SPATA7: variants seen among roughly 807,000 people sequenced by gnomAD.
SPATA7 encodes the protein spermatogenesis-associated protein 7.
In SPATA7, 43 loss-of-function variants were observed where a neutral mutation model predicts 51.8. The ratio of observed to expected loss-of-function variants is 0.83; its 90% confidence interval spans 0.65 to 1.07. SPATA7 has a LOEUF of 1.07. Ranked by LOEUF, SPATA7 falls within the 50% of genes least tolerant of loss-of-function variation. The probability of loss-of-function intolerance (pLI) is 0.00; values close to 1 mark genes in which losing one functional copy is unlikely to be tolerated. For synonymous variants in SPATA7, 230 were observed against 252.8 expected (o/e 0.91, Z 0.86); for missense variants, 683 against 701.3 (o/e 0.97, Z 0.30).
chr14:88,386,721 A>G (rs1159546898), intron 1 of SPATA7, among the ~76,000 whole-genome samples: 3 of 152,148 alleles, frequency 2.0e-5, no homozygotes, highest in Non-Finnish European at 4.4e-5. Context: ...GGCAATCTTT[A>G]TAGACTCCCC....
Position 88,427,672 on chromosome 14 carries a change from A to G in SPATA7, c.888A>G (p.Thr296=). The change falls in exon 7 of 12, where the codon ACA becomes ACG. Residue 296 remains threonine (T), a synonymous_variant. Transcript: ENST00000393545. The part of the protein sequence containing the change: ...ELGTAETKNM[T]DSEMNIKQAS... The stretch of plus-strand genomic sequence containing the variant: ...GGACAGCTGAGACTAAAAACATGAC[A>G]GATTCAGAAATGAACATAAAGCAGG... 1.2e-6 allele frequency: 2 copies of G among 1,610,262 alleles called. No individual in the cohort carries two copies.
At chr14:88,423,164 C>T (rs1335654792) in intron 5 of SPATA7, among the ~76,000 whole-genome samples, 4 of 152,020 alleles carry the variant, frequency 2.6e-5, no homozygotes, top group Non-Finnish European at 4.4e-5. Context: ...CCATACTACT[C>T]GTTTGCTTCA....
chr14:88,435,808 GT>G (rs1017228908), intron 10 of SPATA7, among the ~76,000 whole-genome samples: 5 of 151,980 alleles, frequency 3.3e-5, no homozygotes, highest in African/African-American at 1.2e-4. Flanking sequence ...TATGTACTAC[GT>G]TTTTTTATCC....
Position 88,431,176 on chromosome 14 carries a change from A to T in SPATA7, c.1033A>T (p.Met345Leu). The part of the protein sequence containing the change: ...DALQHSSPRA[M>L]CQYSLKPPST... ...ACTTTAACTTCCTCTTTCTAGGGCA[A>T]TGTGTCAGTATTCCCTGAAGCCCCC... Residue 345 changes from methionine to leucine, a missense_variant, in exon 9 of 12, where the codon ATG becomes TTG. Physicochemically the swap from Met to Leu is conservative, Grantham distance 15 (BLOSUM62 2). Coordinates refer to ENST00000393545, the MANE Select transcript of SPATA7 (RefSeq NM_018418.5). 1 of 1,613,638 alleles carries T rather than the reference A, an allele frequency of 6.2e-7. No individual in the cohort carries two copies. Among genetic ancestry groups the T allele is most frequent in the Non-Finnish European group, 8.5e-7 (1 of 1,179,658 alleles).
chr14:88,460,782 G>C (rs553512844), intron 4 of SPATA7, among the ~76,000 whole-genome samples: 12 of 152,256 alleles, frequency 7.9e-5, no homozygotes, highest in Admixed American at 4.6e-4. Flanking sequence ...GGGGAGAGGC[G>C]CTCTGATTTT....
chr14:88,425,456 A>G (rs2076762642), intron 5 of SPATA7, among the ~76,000 whole-genome samples: 1 of 152,154 alleles, frequency 6.6e-6, no homozygotes, highest in East Asian at 1.9e-4. Context: ...AAAGTGCCTC[A>G]GAGTTTTGCA....
At chr14:88,447,495 A>G (rs1046203845) in intron 3 of SPATA7, among the ~76,000 whole-genome samples, 3 of 151,940 alleles carry the variant, frequency 2.0e-5, no homozygotes, top group African/African-American at 7.3e-5. Flanking sequence ...TTTAAAGTTA[A>G]TATTGTAATG....
chr14:88,401,493 G>C (rs2047389892), intron 4 of SPATA7, among the ~76,000 whole-genome samples: 2 of 152,084 alleles, frequency 1.3e-5, no homozygotes, highest in African/African-American at 2.4e-5. Flanking sequence ...GGAAGTCCTA[G>C]CCAGAGCAAT....
chr14:88,468,983 G>A (rs371081340), intron 4 of SPATA7: 7 of 1,614,010 alleles, frequency 4.3e-6, no homozygotes, highest in Admixed American at 3.3e-5. Context: ...TCCTACCCCA[G>A]CACTGCAGTG....
chr14:88,398,823 C>G (rs112835689), intron 4 of SPATA7, among the ~76,000 whole-genome samples: 6 of 151,762 alleles, frequency 4.0e-5, no homozygotes, highest in Non-Finnish European at 5.9e-5. Context: ...GAGGCTGAGG[C>G]GGGCGGATCA....
At chr14:88,416,653 C>T (rs2076485528) in intron 4 of SPATA7, 58 bp from the exon 5 acceptor site, 2 of 1,571,600 alleles carry the variant, frequency 1.3e-6, no homozygotes, top group Non-Finnish European at 8.7e-7. Flanking sequence ...TCTAACAAGA[C>T]CAAAAAACCA....
At chr14:88,416,409 CTTTTTTT>C (rs536916579) in intron 4 of SPATA7, 5 of 121,032 alleles carry the variant, frequency 4.1e-5, no homozygotes, top group South Asian at 2.9e-4. Context: ...TGTTGGCATT[CTTTTTTT>C]TTTTTTTTTT....
At chr14:88,424,534 T>G (rs1003012996) in intron 5 of SPATA7, among the ~76,000 whole-genome samples, 11 of 152,298 alleles carry the variant, frequency 7.2e-5, no homozygotes, top group East Asian at 5.8e-4. Flanking sequence ...TAATGGCTTA[T>G]GCATTTCTTT....
chr14:88,396,107 C>G, intron 3 of SPATA7, 49 bp from the exon 4 acceptor site: 1 of 1,468,656 alleles, frequency 6.8e-7, no homozygotes, highest in Non-Finnish European at 9.5e-7. Flanking sequence ...TGGTATTTGT[C>G]ATTTATAAAT....
chr14:88,426,774 T>A, intron 6 of SPATA7, 70 bp downstream of exon 6: 1 of 1,370,066 alleles, frequency 7.3e-7, no homozygotes. Context: ...TTAATATTCC[T>A]TGTTTTCTGC....
intron 1 of SPATA7, among the ~76,000 whole-genome samples, chr14:88,387,229 A>G (rs967381171): frequency 6.6e-6 from 1 of 152,192 alleles, no homozygotes; most frequent in East Asian, 1.9e-4. Context: ...TAAATGTAAC[A>G]TTTAGAGTAT....
chr14:88,452,231 C>G (rs1296762960), intron 3 of SPATA7, among the ~76,000 whole-genome samples: 1 of 152,180 alleles, frequency 6.6e-6, no homozygotes, highest in East Asian at 1.9e-4. Flanking sequence ...AAGCTCTGGG[C>G]TGGTACTGGG....
At chr14:88,409,268 T>A (rs2139933861) in intron 4 of SPATA7, among the ~76,000 whole-genome samples, 1 of 152,302 alleles carries the variant, frequency 6.6e-6, no homozygotes, top group East Asian at 1.9e-4. Flanking sequence ...CTGCCTCAAT[T>A]TCAGAACTTG....
chr14:88,391,493 A>G (rs768560118), intron 2 of SPATA7, 38 bp downstream of exon 2: 1 of 1,560,644 alleles, frequency 6.4e-7, no homozygotes, highest in Non-Finnish European at 8.8e-7. Flanking sequence ...TTGTTAGAAG[A>G]TTGTCTGAGT....
Sources: allele counts gnomAD v4.1 joint callset (sites outside exome capture counted in the v4.1 genomes callset), GRCh38; gene constraint gnomAD v4.1.1; transcripts MANE v1.5; gene names NCBI Gene and HGNC (gene_info 2026-07-23, HGNC 2026-07-21).